Variants in ERAP1 observed in about 807,000 individuals in gnomAD.
ERAP1 encodes the protein endoplasmic reticulum aminopeptidase 1.
Under a neutral mutation model 103.7 loss-of-function variants are expected in ERAP1, and 86 were observed. The ratio of observed to expected loss-of-function variants is 0.83; its 90% CI spans 0.70 to 0.99. The LOEUF (loss-of-function observed/expected upper bound fraction) is 0.99. Among genes scored for constraint, ERAP1 ranks in the 50% least tolerant of loss-of-function variants. The pLI, the probability that ERAP1 is intolerant of heterozygous loss-of-function variation, is 0.00. For missense variants in ERAP1, 1,009 were observed against 1,128.4 expected (o/e 0.89, Z 1.52); for synonymous variants, 398 against 402.4 (o/e 0.99, Z 0.13).
chr5:96,791,416 A>G (rs540616712), intron 8 of ERAP1, among the ~76,000 whole-genome samples: 9 of 152,244 alleles, frequency 5.9e-5, no homozygotes, highest in East Asian at 1.9e-4. Context: ...GCCAAGCACA[A>G]TGGTAACTGG....
chr5:96,869,092 G>A, the ERAP1 span, among the ~76,000 whole-genome samples: 1 of 151,366 alleles, frequency 6.6e-6, no homozygotes, highest in African/African-American at 2.4e-5. Flanking sequence ...TGCTGCTTTT[G>A]CTTTCTTCGC....
chr5:96,781,661 G>A, intron 16 of ERAP1, 32 bp downstream of exon 16: 3 of 1,613,606 alleles, frequency 1.9e-6, no homozygotes, highest in South Asian at 2.2e-5. Flanking sequence ...ATTTCCCTTG[G>A]CCACATGAAC....
chr5:96,913,803 C>A, the ERAP1 span, among the ~76,000 whole-genome samples: 5 of 152,184 alleles, frequency 3.3e-5, no homozygotes, highest in Non-Finnish European at 7.3e-5. Flanking sequence ...TTGTATAGTG[C>A]ATCACACATA....
At chr5:96,833,435 T>C in the ERAP1 span, among the ~76,000 whole-genome samples, 1 of 152,220 alleles carries the variant, frequency 6.6e-6, no homozygotes, top group African/African-American at 2.4e-5. Context: ...AAGGGTTTTT[T>C]GTATGTGGTT....
intron 19 of ERAP1, chr5:96,769,069 T>C (rs1263384724): frequency 6.6e-6 from 1 of 152,234 alleles, no homozygotes; most frequent in East Asian, 1.9e-4. Flanking sequence ...TCCCTCAAGC[T>C]ACACCCTCTT....
At chr5:96,874,924 G>A in the ERAP1 span, among the ~76,000 whole-genome samples, 1 of 152,190 alleles carries the variant, frequency 6.6e-6, no homozygotes, top group Non-Finnish European at 1.5e-5. Context: ...TGGATGTATT[G>A]CCATTTAATA....
intron 3 of ERAP1, among the ~76,000 whole-genome samples, chr5:96,798,522 C>T (rs1005687738): frequency 5.9e-5 from 9 of 151,836 alleles, no homozygotes; most frequent in African/African-American, 1.9e-4. Flanking sequence ...CTGGGTGAAA[C>T]CATGGTCACG....
the ERAP1 span, chr5:96,917,375 C>A: frequency 7.6e-7 from 1 of 1,317,754 alleles, no homozygotes; most frequent in Non-Finnish European, 1.0e-6. Context: ...CCCACCTTGG[C>A]CTCCCGAAGT....
At chr5:96,901,593 C>G in the ERAP1 span, 1 of 1,614,122 alleles carries the variant, frequency 6.2e-7, no homozygotes, top group African/African-American at 1.3e-5. Flanking sequence ...GGTGGTTAAA[C>G]AAGACGGGTG....
chr5:96,851,938 CATG>C, the ERAP1 span, among the ~76,000 whole-genome samples: 1 of 152,130 alleles, frequency 6.6e-6, no homozygotes, highest in Non-Finnish European at 1.5e-5. Flanking sequence ...ACAGAATAGA[CATG>C]GTGGTGTGGA....
the ERAP1 span, among the ~76,000 whole-genome samples, chr5:96,915,497 A>G: frequency 6.6e-6 from 1 of 152,206 alleles, no homozygotes; most frequent in Non-Finnish European, 1.5e-5. Context: ...TTCATTTTAT[A>G]GTAAAATTTG....
the ERAP1 span, among the ~76,000 whole-genome samples, chr5:96,914,374 C>T: frequency 6.6e-6 from 1 of 152,180 alleles, no homozygotes; most frequent in Non-Finnish European, 1.5e-5. Context: ...CACAGCTTTG[C>T]GTAAGCAAAA....
downstream of ERAP1, chr5:96,770,595 C>T (rs1457527181): frequency 1.2e-6 from 2 of 1,609,410 alleles, no homozygotes; most frequent in Non-Finnish European, 1.7e-6. Flanking sequence ...GCGAAGGATT[C>T]AGCAAAGGTA....
the ERAP1 span, chr5:96,909,517 G>T: frequency 7.6e-7 from 1 of 1,318,872 alleles, no homozygotes; most frequent in South Asian, 1.2e-5. Context: ...CCCTTTAGAT[G>T]GGCAAGAACT....
chr5:96,847,714 C>T, the ERAP1 span, among the ~76,000 whole-genome samples: 18 of 152,000 alleles, frequency 1.2e-4, no homozygotes, highest in South Asian at 2.3e-3. Context: ...AGTAGACTCC[C>T]GAAAAACTAT....
At chr5:96,808,184 ATCCGTGTGTGTGTG>A (rs1249861091), upstream of ERAP1, 344 of 882,980 alleles carry the variant, frequency 3.9e-4, 4 homozygotes, top group Admixed American at 4.3e-3. Context: ...CTGAACGCGG[ATCCGTGTGTGTGTG>A]TGTGTGTGTG....
At chr5:96,864,803 G>A in the ERAP1 span, among the ~76,000 whole-genome samples, 1,158 of 152,014 alleles carry the variant, frequency 7.6e-3, 11 homozygotes, top group Non-Finnish European at 0.011. Context: ...AGGTTGAAAA[G>A]GGAACAATAC....
At chr5:96,879,324 A>G in the ERAP1 span, among the ~76,000 whole-genome samples, 1 of 152,256 alleles carries the variant, frequency 6.6e-6, no homozygotes, top group Non-Finnish European at 1.5e-5. Flanking sequence ...CTGCACAAGA[A>G]TTCAGAAGAA....
downstream of ERAP1, chr5:96,770,552 T>G: frequency 6.2e-7 from 1 of 1,613,106 alleles, no homozygotes; most frequent in Non-Finnish European, 8.5e-7. Context: ...GAAGGCTGCT[T>G]CCAGCTCCAA....
Sources: allele counts gnomAD v4.1 joint callset (sites outside exome capture counted in the v4.1 genomes callset), GRCh38; gene constraint gnomAD v4.1.1; transcripts MANE v1.5; gene names NCBI Gene and HGNC (gene_info 2026-07-23, HGNC 2026-07-21).